KCNQ1OT1: variants seen among roughly 807,000 people sequenced by gnomAD.
KCNQ1OT1 encodes KCNQ1 opposite strand/antisense transcript 1.
exon 1 of KCNQ1OT1, chr11:2,616,800 C>T (rs1849072793): frequency 5.0e-6 from 2 of 398,190 alleles, no homozygotes; most frequent in Non-Finnish European, 8.9e-6. Flanking sequence ...CTTTTGTGGC[C>T]TAACATATCA....
At chr11:2,662,136 A>C (rs1204575656) in exon 1 of KCNQ1OT1, 1 of 1,610,992 alleles carries the variant, frequency 6.2e-7, no homozygotes, top group Non-Finnish European at 8.5e-7. Context: ...GAGCTCAAGG[A>C]GTCAGACTTG....
Position 2,677,851 on chromosome 11 carries a change from T to A in KCNQ1OT1, n.22144A>T. On this transcript the variant is annotated non_coding_transcript_exon_variant, in exon 1 of 1. Transcript: ENST00000597346. This position sits in a 1 kb window ranked among gnomAD's most constrained non-coding sequence, Gnocchi z 4.5. ...ACTGCCAAATAAGGGCTGTACCATT[T>A]ACATCACTTTGACTGCACAAATGCA... 2.5e-6 allele frequency: 1 copy of A among 398,544 alleles called. No individual in the cohort carries two copies. Among genetic ancestry groups the A allele is most frequent in the Non-Finnish European group, 4.4e-6 (1 of 226,046 alleles). 24.7% of individuals were successfully genotyped at this position (398,544 alleles called of 1,614,324 possible). A position where few individuals can be genotyped will look rare whatever the true frequency, so the allele number is the denominator to read the frequency against.
exon 1 of KCNQ1OT1, chr11:2,641,612 C>T (rs1419478310): frequency 2.5e-6 from 1 of 398,216 alleles, no homozygotes; most frequent in Non-Finnish European, 4.4e-6. Context: ...TGATTGTTTC[C>T]CTTGTTGTGT....
At chr11:2,640,480 C>T (rs193235872) in exon 1 of KCNQ1OT1, 5 of 398,206 alleles carry the variant, frequency 1.3e-5, no homozygotes, top group African/African-American at 4.1e-5. Context: ...GAGACAGGGT[C>T]GTGCATTGTT....
exon 1 of KCNQ1OT1, chr11:2,655,023 A>T: frequency 2.5e-6 from 1 of 398,604 alleles, no homozygotes; most frequent in Non-Finnish European, 4.4e-6. Context: ...AATGAAAATC[A>T]CCCAAAGACA....
chr11:2,647,694 A>AT lies in KCNQ1OT1; in HGVS notation n.52300dup, dbSNP rs1420449856. The AT allele has an allele frequency of 5.0e-6, 2 of 398,158 alleles. No individual in the cohort carries two copies. Among genetic ancestry groups the AT allele is most frequent in the Non-Finnish European group, 4.4e-6 (1 of 225,966 alleles). The allele number at this position is 398,158 out of a possible 1,614,324, so 24.7% of individuals were successfully genotyped here. A position where few individuals can be genotyped will look rare whatever the true frequency, so the allele number is the denominator to read the frequency against. On this transcript the variant is annotated non_coding_transcript_exon_variant, in exon 1 of 1. Transcript: ENST00000597346. This position sits in a 1 kb window ranked among gnomAD's most constrained non-coding sequence, Gnocchi z 4.0. ...CATTCCTTGTTATTGCTCTGTTCAG[A>AT]TTTTTTTTCTTCCTGGTTCAATCTT... is the stretch of plus-strand genomic sequence containing the variant.
exon 1 of KCNQ1OT1, chr11:2,685,991 C>T (rs1850482763): frequency 2.5e-6 from 1 of 398,682 alleles, no homozygotes; most frequent in African/African-American, 2.1e-5. Flanking sequence ...GCCTCAGACT[C>T]CACACCAAGA....
rs543948794 is a variant in KCNQ1OT1, at chr11:2,618,037, G to A, written n.81958C>T. ...TTCCTGTGCAGAAGTTTTTTAGTTT[G>A]ATGGTATACCAATTATTTGTTTTTG... On this transcript the variant is annotated non_coding_transcript_exon_variant, in exon 1 of 1. Coordinates refer to ENST00000597346, the Ensembl canonical transcript of KCNQ1OT1. 2.3e-5 allele frequency: 9 copies of A among 398,438 alleles called. No individual in the cohort carries two copies. In the East Asian group the frequency reaches 3.2e-4, roughly 14 times the overall value. 24.7% of individuals were successfully genotyped at this position (398,438 alleles called of 1,614,324 possible). A position where few individuals can be genotyped will look rare whatever the true frequency, so the allele number is the denominator to read the frequency against.
At chr11:2,641,882 A>C (rs1163754305) in exon 1 of KCNQ1OT1, 2 of 398,520 alleles carry the variant, frequency 5.0e-6, no homozygotes, top group Non-Finnish European at 8.9e-6. Context: ...CATTAAGTGA[A>C]GAGGGTGCTC....
rs531044813 is a variant in KCNQ1OT1, at chr11:2,618,668, G to A, written n.81327C>T. The A allele has an allele frequency of 2.2e-4, 86 of 398,414 alleles. No individual in the cohort carries two copies. Among genetic ancestry groups the A allele is most frequent in the African/African-American group, 1.4e-3 (68 of 48,718 alleles). 24.7% of individuals were successfully genotyped at this position (398,414 alleles called of 1,614,324 possible). ...TTCAGAACAGAATTTTCAGAATTTC[G>A]TTGGCTACTTAAGGTTCTTGCTATT... On this transcript the variant is annotated non_coding_transcript_exon_variant, in exon 1 of 1. Transcript: ENST00000597346.
chr11:2,679,590 C>G lies in KCNQ1OT1; in HGVS notation n.20405G>C. 1 of 398,602 alleles carries G rather than the reference C, an allele frequency of 2.5e-6. No individual in the cohort carries two copies. The allele number at this position is 398,602 out of a possible 1,614,324, so 24.7% of individuals were successfully genotyped here. ...ATGCAATTCACAGTGCCTGACAAAGCTGATGGGGAGGCGAGTTGGAATGAA... is the reference window on the plus strand; with the variant it reads ...ATGCAATTCACAGTGCCTGACAAAGGTGATGGGGAGGCGAGTTGGAATGAA... On this transcript the variant is annotated non_coding_transcript_exon_variant, in exon 1 of 1. Transcript: ENST00000597346. This position sits in a 1 kb window ranked among gnomAD's most constrained non-coding sequence, Gnocchi z 4.8.
At chr11:2,667,668 C>T in exon 1 of KCNQ1OT1, 2 of 398,678 alleles carry the variant, frequency 5.0e-6, no homozygotes, top group Middle Eastern at 6.3e-4. Flanking sequence ...ACTGCAGAGC[C>T]TCTGGAGGCT....
At chr11:2,692,722 G>T (rs1305108018) in exon 1 of KCNQ1OT1, 1 of 398,530 alleles carries the variant, frequency 2.5e-6, no homozygotes, top group Non-Finnish European at 4.4e-6. Context: ...GGGTAGGCAG[G>T]TCCCTGCTCC....
At chr11:2,689,416 A>C (rs1850552010) in exon 1 of KCNQ1OT1, 2 of 398,590 alleles carry the variant, frequency 5.0e-6, no homozygotes, top group Non-Finnish European at 8.8e-6. Flanking sequence ...AATGGGGAGC[A>C]TAGGGGAGGA....
exon 1 of KCNQ1OT1, chr11:2,638,581 A>G (rs1407246963): frequency 2.0e-5 from 3 of 152,188 alleles, no homozygotes; most frequent in African/African-American, 7.2e-5. Context: ...TGGGTAACCC[A>G]ACCTTTCTCT....
rs1554898449 is a variant in KCNQ1OT1 at position 2,620,951 on chromosome 11, T to TTTG, written n.79043_79044insCAA. The stretch of plus-strand genomic sequence containing the variant: ...TTTGTTGTTGTTGTTTTGTTTTGTT[T>TTTG]TTTTTTGTCTGTTTTTTGCTTTTTT... On this transcript the variant is annotated non_coding_transcript_exon_variant, in exon 1 of 1. Coordinates refer to ENST00000597346, the Ensembl canonical transcript of KCNQ1OT1. The surrounding 1 kb of genome is among the most constrained non-coding windows in gnomAD (Gnocchi z 4.5). The TTTG allele has an allele frequency of 2.0e-5, 8 of 396,788 alleles. No individual in the cohort carries two copies. Among genetic ancestry groups the TTTG allele is most frequent in the Non-Finnish European group, 2.7e-5 (6 of 225,786 alleles). 24.6% of individuals were successfully genotyped at this position (396,788 alleles called of 1,614,324 possible). A position where few individuals can be genotyped will look rare whatever the true frequency, so the allele number is the denominator to read the frequency against.
chr11:2,659,150 T>C lies in KCNQ1OT1; in HGVS notation n.40845A>G. ...ATACAGTAAAATCCACTCTTTGAGA[T>C]TCAGTTCTGTGGGTTTTGACAGATG... On this transcript the variant is annotated non_coding_transcript_exon_variant, in exon 1 of 1. Transcript: ENST00000597346. The surrounding 1 kb of genome is among the most constrained non-coding windows in gnomAD (Gnocchi z 4.3). 1 of 398,640 alleles carries C rather than the reference T, an allele frequency of 2.5e-6. No individual in the cohort carries two copies. The highest frequency in any genetic ancestry group is 4.4e-5 in the Admixed American group (1 of 22,736). The allele number at this position is 398,640 out of a possible 1,614,324, so 24.7% of individuals were successfully genotyped here. A position where few individuals can be genotyped will look rare whatever the true frequency, so the allele number is the denominator to read the frequency against.
rs1850117789 is a variant in KCNQ1OT1, at chr11:2,668,176, G to A, written n.31819C>T. ...TGCTCCCTCATGCTCCTTGCTGACTGGTGCTCCATTGTGTGCATGGCCTAC... is the reference window on the plus strand; with the variant it reads ...TGCTCCCTCATGCTCCTTGCTGACTAGTGCTCCATTGTGTGCATGGCCTAC... On this transcript the variant is annotated non_coding_transcript_exon_variant, in exon 1 of 1. Coordinates refer to ENST00000597346, the Ensembl canonical transcript of KCNQ1OT1. The surrounding 1 kb of genome is among the most constrained non-coding windows in gnomAD (Gnocchi z 4.3). The A allele has an allele frequency of 2.5e-6, 1 of 398,610 alleles. No homozygotes were observed. The allele number at this position is 398,610 out of a possible 1,614,324, so 24.7% of individuals were successfully genotyped here. A position where few individuals can be genotyped will look rare whatever the true frequency, so the allele number is the denominator to read the frequency against.
At chr11:2,619,298 G>A (rs776953774) in exon 1 of KCNQ1OT1, 19 of 398,298 alleles carry the variant, frequency 4.8e-5, no homozygotes, top group East Asian at 7.1e-5. Context: ...TGATTATAAC[G>A]TTAGCTGTGG....
Sources: gnomAD v4.1 joint callset for allele counts on GRCh38, gnomAD v4.1.1 for gene constraint, Gnocchi (gnomAD v3.1) non-coding constraint, MANE v1.5 for transcripts, NCBI Gene and HGNC (gene_info 2026-07-23, HGNC 2026-07-21) for gene names.